The following DMD variants were observed in gnomAD, a reference collection of about 807,000 sequenced individuals.
DMD encodes the protein mutant dystrophin.
DMD carries 63 observed loss-of-function variants against 330.1 expected under a neutral mutation model. The ratio of observed to expected loss-of-function variants is 0.19; its 90% CI spans 0.16 to 0.24. DMD has a LOEUF of 0.24. Ranked by LOEUF, DMD falls within the 10% of genes least tolerant of loss-of-function variation. The probability of loss-of-function intolerance (pLI) is 1.00; values close to 1 mark genes in which losing one functional copy is unlikely to be tolerated. For synonymous variants in DMD, 1,223 were observed against 959.8 expected (o/e 1.27, Z -5.07); for missense variants, 3,344 against 2,684.1 (o/e 1.25, Z -5.43).
intron 55 of DMD, among the ~76,000 whole-genome samples, chrX:31,558,717 TAGAA>T (rs1328627111): frequency 1.8e-5 from 2 of 111,332 alleles, no homozygotes; most frequent in African/African-American, 6.5e-5. Flanking sequence ...ATTACTGTGA[TAGAA>T]AGACCTCTCT....
In DMD at chrX:32,257,501, A is replaced by C. The variant is rs1406853808; in HGVS notation, c.6290+30028T>G. On this transcript the variant is annotated intron_variant, in intron 43 of 78. Coordinates refer to ENST00000357033, the MANE Select transcript of DMD (RefSeq NM_004006.3). ...CCAATGGAACAGAACAGAGGCCAGA[A>C]AAATAATGCCACACATCTACAACCA... Among the ~76,000 whole-genome samples, 4 of 111,628 alleles carry C rather than the reference A, an allele frequency of 3.6e-5. No individual in the cohort carries two copies. The East Asian group carries it at 1.1e-3, about 31-fold the overall frequency.
intron 44 of DMD, among the ~76,000 whole-genome samples, chrX:32,023,077 C>T (rs1445648228): frequency 9.0e-6 from 1 of 110,812 alleles, no homozygotes; most frequent in Non-Finnish European, 1.9e-5. Flanking sequence ...ATGATCCGCC[C>T]GCCTCGGCCT....
At chrX:32,472,542 T>G in intron 21 of DMD, among the ~76,000 whole-genome samples, 1 of 111,445 alleles carries the variant, frequency 9.0e-6, no homozygotes, top group African/African-American at 3.3e-5. Flanking sequence ...GTAAAATCTA[T>G]ATTGTTCAAT....
At chrX:32,404,323 A>C (rs757710998) in intron 30 of DMD, among the ~76,000 whole-genome samples, 1 of 111,651 alleles carries the variant, frequency 9.0e-6, no homozygotes, top group South Asian at 3.7e-4. Context: ...ACTCTGGAAC[A>C]CCTGACGTCC....
intron 7 of DMD, among the ~76,000 whole-genome samples, chrX:32,776,361 T>A (rs1332906667): frequency 3.6e-5 from 4 of 109,893 alleles, no homozygotes; most frequent in African/African-American, 1.3e-4. Context: ...TTTATAGCAA[T>A]GCCCCACTAT....
At chrX:32,242,500 A>T (rs2148074294) in intron 43 of DMD, among the ~76,000 whole-genome samples, 1 of 111,945 alleles carries the variant, frequency 8.9e-6, no homozygotes, top group South Asian at 3.7e-4. Context: ...AATGTCTAGC[A>T]CGTTGCTATA....
At chrX:33,068,422 T>A (rs2094696585) in intron 1 of DMD, among the ~76,000 whole-genome samples, 1 of 112,282 alleles carries the variant, frequency 8.9e-6, no homozygotes, top group African/African-American at 3.2e-5. Flanking sequence ...GGTATTGTAC[T>A]TTGCCAAGGA....
Position 31,297,746 on chromosome X carries a change from C to A in DMD, c.9224+25852G>T, listed in dbSNP as rs904106416. On this transcript the variant is annotated intron_variant, in intron 62 of 78. Transcript: ENST00000357033. Reference sequence around the variant, plus strand: ...GGCAGACAGAAAACCTAAAAAAGTTCTTTTCTGGACTAGCTGTGGATTAGG... The same window carrying A: ...GGCAGACAGAAAACCTAAAAAAGTTATTTTCTGGACTAGCTGTGGATTAGG... Among the ~76,000 whole-genome samples, 7 of 112,125 alleles carry A rather than the reference C, an allele frequency of 6.2e-5. No homozygotes were observed. In the Admixed American group the frequency reaches 6.6e-4, roughly 11 times the overall value.
intron 44 of DMD, among the ~76,000 whole-genome samples, chrX:32,000,825 T>C (rs1357042070): frequency 8.9e-6 from 1 of 111,858 alleles, no homozygotes; most frequent in Non-Finnish European, 1.9e-5. Context: ...TTTCAAGTTC[T>C]CAATGGCCAC....
At chrX:31,254,473 CA>C (rs1348841340) in intron 63 of DMD, among the ~76,000 whole-genome samples, 2 of 111,182 alleles carry the variant, frequency 1.8e-5, no homozygotes, top group African/African-American at 6.6e-5. Context: ...CCTCCCACCT[CA>C]GCCTCCTGAG....
At chrX:32,393,855 A>G (rs1225914915) in intron 30 of DMD, among the ~76,000 whole-genome samples, 1 of 111,118 alleles carries the variant, frequency 9.0e-6, no homozygotes, top group Non-Finnish European at 1.9e-5. Context: ...CAACAGTGAC[A>G]GTTTGAGATA....
chrX:32,217,906 T>C lies in DMD; in HGVS notation c.6291-843A>G, dbSNP rs141277387. Among the ~76,000 whole-genome samples the C allele has an allele frequency of 1.6e-4, 18 of 112,310 alleles. No homozygotes were observed. In the East Asian group the frequency reaches 4.2e-3, roughly 26 times the overall value. ...ATAATTCATATTGTAGGCTCACATG[T>C]AAGCATTAAATAACCGATATACTAA... On this transcript the variant is annotated intron_variant, in intron 43 of 78. Coordinates refer to ENST00000357033, the MANE Select transcript of DMD (RefSeq NM_004006.3).
At chrX:31,580,954 T>C (rs904036619) in intron 55 of DMD, among the ~76,000 whole-genome samples, 2 of 112,357 alleles carry the variant, frequency 1.8e-5, no homozygotes, top group African/African-American at 6.5e-5. Flanking sequence ...AGAATGTTGT[T>C]AAATGAGTAA....
chrX:32,588,579 T>C (rs1030831194), intron 13 of DMD, among the ~76,000 whole-genome samples: 3 of 111,539 alleles, frequency 2.7e-5, no homozygotes, highest in African/African-American at 9.8e-5. Flanking sequence ...TATCAGAATC[T>C]GGAAAGTGAC....
intron 1 of DMD, among the ~76,000 whole-genome samples, chrX:33,268,232 C>T (rs963029700): frequency 2.7e-5 from 3 of 110,842 alleles, no homozygotes; most frequent in Non-Finnish European, 5.7e-5. Flanking sequence ...TCGGGTAATC[C>T]ACCCACCTTG....
rs1287477146 is a variant in DMD, at chrX:31,323,629, T to C, written c.9193A>G (p.Ile3065Val). Residue 3065 changes from isoleucine (I) to valine (V), a missense_variant, in exon 62 of 79, where the codon ATC becomes GTC. Ile to Val is a conservative substitution (Grantham distance 29). Transcript: ENST00000357033. ...TSVQGPWERAISPNKVPYYIN... is the reference protein window; with the variant it reads ...TSVQGPWERAVSPNKVPYYIN... ...TAGTAGGGCACTTTGTTTGGCGAGA[T>C]GGCTCTCTCCCAGGGACCCTGGACA... 1.7e-6 allele frequency: 2 copies of C among 1,208,755 alleles called. No individual in the cohort carries two copies. The highest frequency in any genetic ancestry group is 1.1e-6 in the Non-Finnish European group (1 of 894,553).
At chrX:32,239,463 C>T (rs751384761) in intron 43 of DMD, among the ~76,000 whole-genome samples, 3 of 111,832 alleles carry the variant, frequency 2.7e-5, no homozygotes, top group Non-Finnish European at 5.6e-5. Flanking sequence ...CAGCCTACCC[C>T]GCTATCAACA....
At chrX:33,125,051 G>C (rs1336201903) in intron 1 of DMD, among the ~76,000 whole-genome samples, 7 of 94,422 alleles carry the variant, frequency 7.4e-5, no homozygotes, top group Non-Finnish European at 1.3e-4. Context: ...AAAAAAAAAG[G>C]CTTTATTTTT....
intron 12 of DMD, among the ~76,000 whole-genome samples, chrX:32,601,237 C>T (rs182929069): frequency 1.4e-4 from 16 of 111,462 alleles, no homozygotes; most frequent in African/African-American, 5.2e-4. Context: ...GATCTATTTA[C>T]GGTATATAAC....
Sources: gnomAD v4.1 joint callset for allele counts (sites outside exome capture counted in the v4.1 genomes callset) on GRCh38, gnomAD v4.1.1 for gene constraint, MANE v1.5 for transcripts, NCBI Gene and HGNC (gene_info 2026-07-23, HGNC 2026-07-21) for gene names.